The following EFCAB6 variants were observed in gnomAD, a reference collection of about 807,000 sequenced individuals.
EFCAB6 encodes the protein EF-hand calcium binding domain 6, also known as EF-hand calcium-binding domain-containing protein 6.
Under a neutral mutation model 169.8 loss-of-function variants are expected in EFCAB6, and 156 were observed. That is an observed-to-expected ratio of 0.92 (90% CI 0.81 to 1.05). EFCAB6 has a LOEUF of 1.05. Ranked by LOEUF, EFCAB6 falls within the 50% of genes least tolerant of loss-of-function variation. The probability of loss-of-function intolerance (pLI) is 0.00; values close to 1 mark genes in which losing one functional copy is unlikely to be tolerated. For missense variants in EFCAB6, 1,800 were observed against 1,829.1 expected (o/e 0.98, Z 0.29); for synonymous variants, 698 against 676.4 (o/e 1.03, Z -0.50).
intron 8 of EFCAB6, among the ~76,000 whole-genome samples, chr22:43,729,604 A>C (rs1454904619): frequency 2.0e-5 from 3 of 152,236 alleles, no homozygotes; most frequent in Non-Finnish European, 4.4e-5. Flanking sequence ...CATAATGAAC[A>C]CAAGGCAGAG....
chr22:43,770,490 T>C (rs1047683194), intron 4 of EFCAB6, among the ~76,000 whole-genome samples: 1 of 152,144 alleles, frequency 6.6e-6, no homozygotes, highest in Non-Finnish European at 1.5e-5. Context: ...GTTCAATGAG[T>C]TGAAAGACAT....
chr22:43,676,719 T>C (rs2057778572), intron 13 of EFCAB6, among the ~76,000 whole-genome samples: 1 of 152,214 alleles, frequency 6.6e-6, no homozygotes, highest in Admixed American at 6.5e-5. Flanking sequence ...GGAGGTAATT[T>C]AAATATGACA....
chr22:43,716,774 C>G, intron 9 of EFCAB6, 74 bp downstream of exon 9: 2 of 1,518,574 alleles, frequency 1.3e-6, no homozygotes, highest in Non-Finnish European at 1.8e-6. Flanking sequence ...AATGTGTAAA[C>G]CTAATAGTTT....
At chr22:43,606,457 G>C (rs1467996662) in intron 22 of EFCAB6, among the ~76,000 whole-genome samples, 1 of 152,214 alleles carries the variant, frequency 6.6e-6, no homozygotes. Flanking sequence ...AATGTACTGA[G>C]TGGTTACTGC....
chr22:43,685,562 G>C (rs964328096), intron 11 of EFCAB6, among the ~76,000 whole-genome samples: 6 of 152,198 alleles, frequency 3.9e-5, no homozygotes, highest in Non-Finnish European at 7.3e-5. Context: ...TATATGAAGA[G>C]ACGTCATTTT....
At chr22:43,801,054 C>G (rs2062691701) in intron 2 of EFCAB6, among the ~76,000 whole-genome samples, 1 of 151,834 alleles carries the variant, frequency 6.6e-6, no homozygotes, top group Admixed American at 6.6e-5. Context: ...AAGTCAAAAA[C>G]TAGAGAGAAT....
rs576632793 is a variant in EFCAB6 at position 43,738,134 on chromosome 22, C to T, written c.508-2141G>A. On this transcript the variant is annotated intron_variant, in intron 6 of 31. Transcript: ENST00000262726. ...CACACACATATATTCATACACACAC[C>T]TGTGCATATACTCACACTCACACCA... 1.8e-3 allele frequency among the ~76,000 whole-genome samples: 274 copies of T among 149,122 alleles called. 1 individual carries two copies. Among genetic ancestry groups the T allele is most frequent in the African/African-American group, 6.7e-3 (272 of 40,422 alleles).
Position 43,665,426 on chromosome 22 carries a change from C to T in EFCAB6, c.1983+1678G>A, listed in dbSNP as rs567296229. Among the ~76,000 whole-genome samples the T allele has an allele frequency of 4.0e-4, 61 of 152,312 alleles. 1 individual carries two copies. The South Asian group carries it at 0.01, about 26-fold the overall frequency. On this transcript the variant is annotated intron_variant, in intron 17 of 31. Transcript: ENST00000262726. ...CCACTTCTCTAAGATAGTCACTTTCCACTCTGAAAAACCAGGGGCAGACTA... is the reference window on the plus strand; with the variant it reads ...CCACTTCTCTAAGATAGTCACTTTCTACTCTGAAAAACCAGGGGCAGACTA...
At chr22:43,575,612 C>A (rs1420889381) in intron 26 of EFCAB6, among the ~76,000 whole-genome samples, 1 of 151,902 alleles carries the variant, frequency 6.6e-6, no homozygotes, top group East Asian at 1.9e-4. Context: ...AATATAATAT[C>A]ACTTACATAA....
intron 6 of EFCAB6, among the ~76,000 whole-genome samples, chr22:43,748,957 T>C (rs1019678431): frequency 6.6e-6 from 1 of 152,140 alleles, no homozygotes; most frequent in Non-Finnish European, 1.5e-5. Flanking sequence ...GGCTGTTGTG[T>C]GGAATGCAGA....
chr22:43,604,050 C>T (rs1030186228), intron 22 of EFCAB6, among the ~76,000 whole-genome samples: 5 of 152,112 alleles, frequency 3.3e-5, no homozygotes, highest in African/African-American at 9.7e-5. Flanking sequence ...CCACAAGAAG[C>T]GCTGGCTCCC....
chr22:43,535,681 T>G (rs1265606060), intron 29 of EFCAB6: 2 of 152,256 alleles, frequency 1.3e-5, no homozygotes, highest in African/African-American at 2.4e-5. Flanking sequence ...TGAAGTTTCA[T>G]AGACTAGACT....
At chr22:43,801,603 T>A (rs1311771143) in intron 2 of EFCAB6, among the ~76,000 whole-genome samples, 1 of 152,228 alleles carries the variant, frequency 6.6e-6, no homozygotes, top group Non-Finnish European at 1.5e-5. Flanking sequence ...AGAATTAGTG[T>A]AGAGTTTTTT....
In EFCAB6 at chr22:43,782,193, G is replaced by A; in HGVS notation, c.126C>T (p.Phe42=). The change falls in exon 3 of 32, where the codon TTC becomes TTT. Residue 42 remains phenylalanine, a synonymous_variant. Coordinates refer to ENST00000262726, the MANE Select transcript of EFCAB6 (RefSeq NM_022785.4). ...VYSRNGSPNK[F]RSSSTTAVAN... ...ATGAATACTTACTTGAAGAAGATCT[G>A]AACTTATTTGGGGAACCATTCCTTG... 6.2e-7 allele frequency: 1 copy of A among 1,612,184 alleles called. No homozygotes were observed. The highest frequency in any genetic ancestry group is 1.1e-5 in the South Asian group (1 of 90,444).
intron 24 of EFCAB6, among the ~76,000 whole-genome samples, chr22:43,589,850 G>A (rs2051352716): frequency 1.3e-5 from 2 of 152,286 alleles, no homozygotes; most frequent in Admixed American, 1.3e-4. Flanking sequence ...TGGTGGCACT[G>A]CTGCTAAGAC....
In EFCAB6 at chr22:43,608,581, T is replaced by C. The variant is rs768514672; in HGVS notation, c.2582A>G (p.Asn861Ser). Residue 861 changes from asparagine (N) to serine (S), a missense_variant, in exon 22 of 32, where the codon AAT (asparagine) becomes AGT (serine). Transcript: ENST00000262726. ...GCGTCGAAGAATGCCATTGCCCTCA[T>C]TATCGGTTTCTAGAAAATTCTACAA... ...DLSKNFLETD[N>S]EGNGILRRRD... The C allele has an allele frequency of 1.2e-6, 2 of 1,614,068 alleles. No individual in the cohort carries two copies. Among genetic ancestry groups the C allele is most frequent in the Non-Finnish European group, 1.7e-6 (2 of 1,180,042 alleles).
At chr22:43,740,561 G>T (rs572047451) in intron 6 of EFCAB6, among the ~76,000 whole-genome samples, 74 of 152,260 alleles carry the variant, frequency 4.9e-4, no homozygotes, top group Middle Eastern at 3.4e-3. Context: ...GCACAAACAC[G>T]AACTGAACGG....
chr22:43,533,805 A>T (rs2047222260), intron 30 of EFCAB6, among the ~76,000 whole-genome samples: 1 of 152,122 alleles, frequency 6.6e-6, no homozygotes, highest in Non-Finnish European at 1.5e-5. Flanking sequence ...AGATCATCTG[A>T]GTAGGGTCTA....
chr22:43,545,514 G>A (rs142058468), intron 27 of EFCAB6, among the ~76,000 whole-genome samples: 1 of 152,192 alleles, frequency 6.6e-6, no homozygotes, highest in Admixed American at 6.5e-5. Context: ...CCCAAAGACG[G>A]GTGAACAAAA....
Sources: allele counts gnomAD v4.1 joint callset (sites outside exome capture counted in the v4.1 genomes callset), GRCh38; gene constraint gnomAD v4.1.1; transcripts MANE v1.5; gene names NCBI Gene and HGNC (gene_info 2026-07-23, HGNC 2026-07-21).